OXR1: variants seen among roughly 807,000 people sequenced by gnomAD.
OXR1 encodes the protein oxidation resistance 1.
A neutral mutation model predicts 104.6 loss-of-function variants in OXR1; 41 were observed. The ratio of observed to expected loss-of-function variants is 0.39; its 90% CI spans 0.31 to 0.51. The LOEUF is 0.51. OXR1 is among the 20% of genes least tolerant of loss of function. The pLI, the probability that OXR1 is intolerant of heterozygous loss-of-function variation, is 0.77. For synonymous variants in OXR1, 348 were observed against 348.4 expected, an observed-to-expected ratio of 1.00 and a Z score of 0.01; for missense variants, 955 against 1,031.9, an observed-to-expected ratio of 0.93 and a Z score of 1.02.
At chr8:106,466,600 T>TC (rs34317338) in intron 2 of OXR1, among the ~76,000 whole-genome samples, 12,016 of 151,354 alleles carry the variant, frequency 0.079, 517 homozygotes, top group Non-Finnish European at 0.088. Context: ...TTTATTGACT[T>TC]CCCCCCCAGA....
intron 2 of OXR1, among the ~76,000 whole-genome samples, chr8:106,516,450 G>C (rs1812866301): frequency 6.6e-6 from 1 of 152,144 alleles, no homozygotes; most frequent in Non-Finnish European, 1.5e-5. Context: ...CTGGTGCCCA[G>C]AACAGTGTAG....
chr8:106,664,031 C>T (rs894776638), intron 3 of OXR1, among the ~76,000 whole-genome samples: 1 of 152,122 alleles, frequency 6.6e-6, no homozygotes, highest in Admixed American at 6.5e-5. Flanking sequence ...TTCCTAAAGC[C>T]GGATGGGAGG....
intron 1 of OXR1, among the ~76,000 whole-genome samples, chr8:106,288,569 G>GT (rs1812600306): frequency 7.0e-6 from 1 of 143,780 alleles, no homozygotes; most frequent in Non-Finnish European, 1.5e-5. Flanking sequence ...GTATATATAT[G>GT]GTGTGTATAT....
chr8:106,339,509 AAAAAAAAAAAATATATATAT>A (rs1161828328), intron 1 of OXR1, among the ~76,000 whole-genome samples: 24 of 50,792 alleles, frequency 4.7e-4, no homozygotes, highest in African/African-American at 2.1e-3. Flanking sequence ...AAAAAAAAAA[AAAAAAAAAAAATATATATAT>A]ATATATATAT....
chr8:106,694,475 ATATATATATTTGATATATAAATATGTTTT>A (rs1563715808), intron 7 of OXR1, among the ~76,000 whole-genome samples: 29 of 113,836 alleles, frequency 2.5e-4, no homozygotes, highest in Non-Finnish European at 4.0e-4. Context: ...AAATATATTT[ATATATATATTTGATATATAAATATGTTTT>A]TATATATATT....
At chr8:106,724,620 G>A (rs1453987767) in intron 11 of OXR1, among the ~76,000 whole-genome samples, 1 of 152,098 alleles carries the variant, frequency 6.6e-6, no homozygotes, top group African/African-American at 2.4e-5. Context: ...AACCATTTTT[G>A]GAGCCCAGCA....
At chr8:106,502,642 T>C (rs1231205263) in intron 2 of OXR1, among the ~76,000 whole-genome samples, 2 of 152,222 alleles carry the variant, frequency 1.3e-5, no homozygotes, top group Non-Finnish European at 2.9e-5. Context: ...AATATTTTCG[T>C]TTTATATAAT....
At chr8:106,423,978 CT>C (rs1819007449) in intron 2 of OXR1, among the ~76,000 whole-genome samples, 1 of 152,070 alleles carries the variant, frequency 6.6e-6, no homozygotes, top group Non-Finnish European at 1.5e-5. Flanking sequence ...GCTGTGTGGC[CT>C]AGGCTGGAAT....
chr8:106,550,566 G>T (rs554701157), intron 3 of OXR1, among the ~76,000 whole-genome samples: 1 of 152,158 alleles, frequency 6.6e-6, no homozygotes, highest in African/African-American at 2.4e-5. Context: ...GGTGGGAGGT[G>T]ATTGGATCAT....
Position 106,324,451 on chromosome 8 carries a change from A to ACC in OXR1, c.-138-35019_-138-35018dup, listed in dbSNP as rs34602522. On this transcript the variant is annotated intron_variant, in intron 1 of 16. Coordinates refer to ENST00000517566, the MANE Select transcript of OXR1 (RefSeq NM_001198533.2). ...GGGTGATGAAATAATCTGTACAACA[A>ACC]CCCCCCCTACACGTGTTTACCTATG... Among the ~76,000 whole-genome samples the ACC allele has an allele frequency of 2.0e-3, 296 of 150,316 alleles. 2 individuals carry two copies. The highest frequency in any genetic ancestry group is 6.7e-3 in the African/African-American group (276 of 40,962).
chr8:106,707,374 T>G (rs2131377754), intron 9 of OXR1: 2 of 633,288 alleles, frequency 3.2e-6, no homozygotes, highest in Non-Finnish European at 5.6e-6. Flanking sequence ...CCCACCATGT[T>G]TAAACATTCT....
chr8:106,288,833 G>A (rs7827954), intron 1 of OXR1, among the ~76,000 whole-genome samples: 33,121 of 150,838 alleles, frequency 0.22, 5,405 homozygotes, highest in African/African-American at 0.46. Context: ...AATAAACTGT[G>A]AGTCATTTTC....
intron 9 of OXR1, 21 bp from the exon 10 acceptor site, chr8:106,710,601 C>G: frequency 1.3e-6 from 2 of 1,515,690 alleles, no homozygotes; most frequent in Non-Finnish European, 1.8e-6. Context: ...TGAATAAACA[C>G]TGTTTGCATC....
chr8:106,439,422 T>C (rs1819699056), intron 2 of OXR1, among the ~76,000 whole-genome samples: 1 of 152,134 alleles, frequency 6.6e-6, no homozygotes, highest in Non-Finnish European at 1.5e-5. Flanking sequence ...AAGTTTGTTT[T>C]TTAACACAGC....
intron 2 of OXR1, among the ~76,000 whole-genome samples, chr8:106,477,659 T>C (rs1821881462): frequency 6.6e-6 from 1 of 151,984 alleles, no homozygotes; most frequent in African/African-American, 2.4e-5. Context: ...ACAAAGTTCA[T>C]CTACAAGTTT....
intron 3 of OXR1, among the ~76,000 whole-genome samples, chr8:106,615,895 G>C (rs902239602): frequency 1.3e-5 from 2 of 152,072 alleles, no homozygotes; most frequent in Non-Finnish European, 2.9e-5. Flanking sequence ...CTTTGTAAAC[G>C]ATAAAACATT....
rs1037541651 is a variant in OXR1 at position 106,592,582 on chromosome 8, A to C, written c.220+73443A>C. Reference sequence around the variant, plus strand: ...AAGGCAACAGTGAAATGAAGAGAAGAAGCCAGGCTTTTGAAGATCTAAGGG... The same window carrying C: ...AAGGCAACAGTGAAATGAAGAGAAGCAGCCAGGCTTTTGAAGATCTAAGGG... On this transcript the variant is annotated intron_variant, in intron 3 of 16. Coordinates refer to ENST00000517566, the MANE Select transcript of OXR1 (RefSeq NM_001198533.2). 6.6e-5 allele frequency among the ~76,000 whole-genome samples: 10 copies of C among 152,308 alleles called. No individual in the cohort carries two copies. The South Asian group carries it at 1.7e-3, about 25-fold the overall frequency.
At chr8:106,445,687 T>C (rs917451811) in intron 2 of OXR1, among the ~76,000 whole-genome samples, 1 of 152,206 alleles carries the variant, frequency 6.6e-6, no homozygotes, top group African/African-American at 2.4e-5. Flanking sequence ...TCTATGTGAA[T>C]GTAAATGTTA....
At chr8:106,476,064 C>G (rs1821793281) in intron 2 of OXR1, among the ~76,000 whole-genome samples, 1 of 151,444 alleles carries the variant, frequency 6.6e-6, no homozygotes, top group Non-Finnish European at 1.5e-5. Flanking sequence ...TTCAATGGTG[C>G]AGTCCTTCCG....
Sources: allele counts gnomAD v4.1 joint callset (sites outside exome capture counted in the v4.1 genomes callset), GRCh38; gene constraint gnomAD v4.1.1; transcripts MANE v1.5; gene names NCBI Gene and HGNC (gene_info 2026-07-23, HGNC 2026-07-21).